The following COL5A1 variants were observed in gnomAD, a reference collection of about 807,000 sequenced individuals.
The protein encoded by COL5A1 is collagen type V alpha 1 chain.
Under a neutral mutation model 263.7 loss-of-function variants are expected in COL5A1, and 16 were observed. The ratio of observed to expected loss-of-function variants is 0.06; its 90% CI spans 0.04 to 0.09. The LOEUF is 0.09. COL5A1 is among the 10% of genes least tolerant of loss of function. The pLI is 1.00. For missense variants in COL5A1, 2,036 were observed against 2,540.5 expected, an observed-to-expected ratio of 0.80 and a Z score of 4.27; for synonymous variants, 1,012 against 1,004.5, an observed-to-expected ratio of 1.01 and a Z score of -0.14.
intron 16 of COL5A1, among the ~76,000 whole-genome samples, chr9:134,756,451 G>T (rs796624872): frequency 6.6e-6 from 1 of 152,208 alleles, no homozygotes; most frequent in African/African-American, 2.4e-5. Flanking sequence ...TCCTCCAGCC[G>T]GGTCTCCTCT....
intron 24 of COL5A1, 68 bp from the exon 25 acceptor site, chr9:134,768,339 TTGG>T: frequency 7.5e-7 from 1 of 1,337,760 alleles, no homozygotes; most frequent in East Asian, 2.3e-5. Context: ...AAAAGTAACC[TTGG>T]TGGCCGACGG....
At chr9:134,703,344 G>C (rs1833734830) in intron 4 of COL5A1, among the ~76,000 whole-genome samples, 1 of 152,226 alleles carries the variant, frequency 6.6e-6, no homozygotes, top group African/African-American at 2.4e-5. Context: ...GCAGCTTCTG[G>C]GCTATTCTGG....
chr9:134,708,637 G>T, intron 4 of COL5A1: 1 of 518,876 alleles, frequency 1.9e-6, no homozygotes, highest in Non-Finnish European at 3.8e-6. Context: ...ACCAGCAGGT[G>T]AAGGGCAGAG....
intron 4 of COL5A1, among the ~76,000 whole-genome samples, chr9:134,707,831 G>A (rs1242995582): frequency 6.6e-6 from 1 of 152,234 alleles, no homozygotes; most frequent in Non-Finnish European, 1.5e-5. Flanking sequence ...CCCATCACTG[G>A]GCAGCCGGGG....
intron 64 of COL5A1, chr9:134,832,840 C>A (rs1839698789): frequency 6.6e-6 from 1 of 152,286 alleles, no homozygotes; most frequent in Admixed American, 6.5e-5. Context: ...AAGGCCCAGG[C>A]CCCAGGCCAG....
intron 7 of COL5A1, among the ~76,000 whole-genome samples, chr9:134,730,980 G>A (rs762934755): frequency 1.3e-5 from 2 of 152,238 alleles, no homozygotes; most frequent in African/African-American, 2.4e-5. Context: ...GTTAGTCTGC[G>A]TCTCTGGACC....
rs2132884821 is a variant in COL5A1 at position 134,824,870 on chromosome 9, G to T, written c.4954+15G>T. On this transcript the variant is annotated intron_variant, in intron 62 of 65. Transcript: ENST00000371817. Reference sequence around the variant, plus strand: ...CTTCCCAGATGGTGAGGGCCTGGGGGGGCAGGGGTGGCCCCCCAAAGCGGG... The same window carrying T: ...CTTCCCAGATGGTGAGGGCCTGGGGTGGCAGGGGTGGCCCCCCAAAGCGGG... 1.9e-6 allele frequency: 3 copies of T among 1,604,742 alleles called. No individual in the cohort carries two copies. Among genetic ancestry groups the T allele is most frequent in the East Asian group, 2.2e-5 (1 of 44,584 alleles).
rs1064796482 is a variant in COL5A1 at position 134,642,193 on chromosome 9, C to G, written c.6C>G (p.Asp2Glu). 1.6e-6 allele frequency: 2 copies of G among 1,285,922 alleles called. No homozygotes were observed. The highest frequency in any genetic ancestry group is 2.0e-6 in the Non-Finnish European group (2 of 1,017,490). The allele number at this position is 1,285,922 out of a possible 1,614,324, so 79.7% of individuals were successfully genotyped here. A position where few individuals can be genotyped will look rare whatever the true frequency, so the allele number is the denominator to read the frequency against. Reference sequence around the variant, plus strand: ...CCGGCCCGCGCCCCGCCGGCATGGACGTCCATACCCGCTGGAAAGCGCGCA... The same window carrying G: ...CCGGCCCGCGCCCCGCCGGCATGGAGGTCCATACCCGCTGGAAAGCGCGCA... MDVHTRWKARSA... is the reference protein window; with the variant it reads MEVHTRWKARSA... Residue 2 changes from aspartate to glutamate, a missense_variant, in exon 1 of 66, where the codon GAC (aspartate) becomes GAG (glutamate). Asp to Glu is a conservative substitution (Grantham distance 45). Transcript: ENST00000371817. This position sits in a 1 kb window ranked among gnomAD's most constrained non-coding sequence, Gnocchi z 4.5.
At chr9:134,731,760 A>G in intron 8 of COL5A1, 97 bp downstream of exon 8, 1 of 1,331,094 alleles carries the variant, frequency 7.5e-7, no homozygotes, top group Middle Eastern at 2.3e-4. Flanking sequence ...GTGGGCCTCT[A>G]CGGGCAGCTC....
At chr9:134,711,111 C>T (rs1326500925) in intron 4 of COL5A1, among the ~76,000 whole-genome samples, 1 of 152,138 alleles carries the variant, frequency 6.6e-6, no homozygotes, top group Non-Finnish European at 1.5e-5. Context: ...CTCTGTCTTC[C>T]ACAGCTGGCC....
chr9:134,828,411 C>T (rs948350013), intron 63 of COL5A1, among the ~76,000 whole-genome samples: 9 of 151,828 alleles, frequency 5.9e-5, no homozygotes, highest in Admixed American at 2.6e-4. Context: ...CACCCGCACA[C>T]GTCTCAGTCC....
In COL5A1 at chr9:134,727,389, G is replaced by T; in HGVS notation, c.778G>T (p.Asp260Tyr). 1 of 1,614,108 alleles carries T rather than the reference G, an allele frequency of 6.2e-7. No homozygotes were observed. Among genetic ancestry groups the T allele is most frequent in the East Asian group, 2.2e-5 (1 of 44,880 alleles). ...CCCACAGTCGCAGGACCCCAATCCAGATGAATATGTGAGTTAACTCTGGCT... is the reference window on the plus strand; with the variant it reads ...CCCACAGTCGCAGGACCCCAATCCATATGAATATGTGAGTTAACTCTGGCT... ...DTPQSQDPNP[D>Y]EYYTEGDGEG... Residue 260 changes from aspartate (D) to tyrosine (Y), a missense_variant, in exon 5 of 66, where the codon GAT (aspartate) becomes TAT (tyrosine). Coordinates refer to ENST00000371817, the MANE Select transcript of COL5A1 (RefSeq NM_000093.5).
chr9:134,720,759 G>A (rs1170280750), intron 4 of COL5A1, among the ~76,000 whole-genome samples: 1 of 152,200 alleles, frequency 6.6e-6, no homozygotes, highest in Non-Finnish European at 1.5e-5. Flanking sequence ...TTGCCTGGCT[G>A]GTAGGTGGCT....
chr9:134,765,377 C>A lies in COL5A1; in HGVS notation c.2035-304C>A, dbSNP rs1267498685. On this transcript the variant is annotated intron_variant, in intron 20 of 65. Coordinates refer to ENST00000371817, the MANE Select transcript of COL5A1 (RefSeq NM_000093.5). The surrounding 1 kb of genome is among the most constrained non-coding windows in gnomAD (Gnocchi z 5.1). ...TGGGGGAGCGTCTGCTCACCTGCCC[C>A]AGCAAGTGTCAGAGGAGCCGGTCAG... Among the ~76,000 whole-genome samples, 2 of 152,148 alleles carry A rather than the reference C, an allele frequency of 1.3e-5. No homozygotes were observed. Among genetic ancestry groups the A allele is most frequent in the East Asian group, 3.9e-4 (2 of 5,178 alleles).
chr9:134,780,745 C>T (rs1042012743), intron 28 of COL5A1, among the ~76,000 whole-genome samples: 7 of 152,224 alleles, frequency 4.6e-5, no homozygotes, highest in Admixed American at 1.3e-4. Flanking sequence ...CCTGCAGCGG[C>T]GACAGCCTGA....
At chr9:134,803,212 G>A (rs1450651544) in intron 39 of COL5A1, among the ~76,000 whole-genome samples, 11 of 152,146 alleles carry the variant, frequency 7.2e-5, no homozygotes, top group South Asian at 6.2e-4. Context: ...AAGGGGGAGC[G>A]CAGGGGTCAC....
At chr9:134,766,170 A>G (rs1324928780) in intron 21 of COL5A1, among the ~76,000 whole-genome samples, 2 of 152,164 alleles carry the variant, frequency 1.3e-5, no homozygotes, top group Non-Finnish European at 2.9e-5. Context: ...TGCCCCCTTC[A>G]GCCTTCCCAG....
In COL5A1 at chr9:134,758,391, G is replaced by T; in HGVS notation, c.1935+95G>T. ...CCTTCCAGGCAGCCTCAGATTTCCT[G>T]TGGGGTCAGGTCTCCGCCATTCCAA... On this transcript the variant is annotated intron_variant, in intron 18 of 65. Transcript: ENST00000371817. This position sits in a 1 kb window ranked among gnomAD's most constrained non-coding sequence, Gnocchi z 4.1. The T allele has an allele frequency of 7.9e-7, 1 of 1,270,574 alleles. No individual in the cohort carries two copies. Among genetic ancestry groups the T allele is most frequent in the Non-Finnish European group, 1.1e-6 (1 of 875,032 alleles). 78.7% of individuals were successfully genotyped at this position (1,270,574 alleles called of 1,614,324 possible). A position where few individuals can be genotyped will look rare whatever the true frequency, so the allele number is the denominator to read the frequency against.
At chr9:134,701,043 T>C in intron 3 of COL5A1, 128 bp from the exon 4 acceptor site, 2 of 936,444 alleles carry the variant, frequency 2.1e-6, no homozygotes, top group Non-Finnish European at 3.3e-6. Context: ...TGGGCCTTGA[T>C]CTGCTCCGCC....
Sources: allele counts gnomAD v4.1 joint callset (sites outside exome capture counted in the v4.1 genomes callset), GRCh38; gene constraint gnomAD v4.1.1; non-coding constraint Gnocchi (gnomAD v3.1); transcripts MANE v1.5; gene names NCBI Gene and HGNC (gene_info 2026-07-23, HGNC 2026-07-21).